Variants in F8 observed in about 807,000 individuals in gnomAD.
F8 encodes antihemophilic factor.
F8 carries 12 observed loss-of-function variants against 140.6 expected under a neutral mutation model. That is an observed-to-expected ratio of 0.09 (90% CI 0.05 to 0.14). The LOEUF (loss-of-function observed/expected upper bound fraction) is 0.14. Among genes scored for constraint, F8 ranks in the 10% least tolerant of loss-of-function variants. The pLI is 1.00. For missense variants in F8, 1,354 were observed against 1,720.7 expected (o/e 0.79, Z 3.77); for synonymous variants, 585 against 614.6 (o/e 0.95, Z 0.71).
At chrX:154,894,118 C>T (rs140204815) in intron 22 of F8, among the ~76,000 whole-genome samples, 10 of 111,593 alleles carry the variant, frequency 9.0e-5, no homozygotes, top group African/African-American at 3.3e-4. Context: ...TGAGTTGTCC[C>T]GCCTTTCTGG....
chrX:154,999,484 CA>C lies in F8; in HGVS notation c.259del (p.Trp87GlyfsTer5), dbSNP rs1704149059. 1 of 1,207,032 alleles carries C rather than the reference CA, an allele frequency of 8.3e-7. No homozygotes were observed. Among genetic ancestry groups the C allele is most frequent in the Non-Finnish European group, 1.1e-6 (1 of 892,282 alleles). On this transcript the variant is annotated frameshift_variant, in exon 2 of 26. Transcript: ENST00000360256. LOFTEE classifies it high-confidence loss of function. ...LFNIAKPRPP[W>X]MGLLGPTIQA... ...TTCAACATTGTTTTCATTACCCATC[CA>C]GGGTGGCCTTGGCTTAGCGATGTTG...
At chrX:154,870,021 C>T (rs1405598306) in intron 22 of F8, among the ~76,000 whole-genome samples, 2 of 111,851 alleles carry the variant, frequency 1.8e-5, no homozygotes, top group Admixed American at 1.9e-4. Flanking sequence ...CTGAATAGAC[C>T]TATAACAAGT....
intron 25 of F8, among the ~76,000 whole-genome samples, chrX:154,853,062 A>G (rs1431954745): frequency 2.7e-5 from 3 of 110,589 alleles, no homozygotes; most frequent in Admixed American, 9.6e-5. Flanking sequence ...TCTAGTTGCT[A>G]ATTTTCCATA....
Position 154,851,020 on chromosome X carries a change from C to T in F8, c.6900+9412G>A, listed in dbSNP as rs782772166. 3.6e-3 allele frequency among the ~76,000 whole-genome samples: 406 copies of T among 111,993 alleles called. 2 individuals carry two copies. Among genetic ancestry groups the T allele is most frequent in the African/African-American group, 0.013 (393 of 30,851 alleles). On this transcript the variant is annotated intron_variant, in intron 25 of 25. Transcript: ENST00000360256. ...TAGTTCCAGAACATTTCTATAACCC[C>T]AAAAGGAGATTCAATACTTATTAAG...
At position 154,972,707 on chromosome X, in the gene F8, C is replaced by CTTTTT. The variant is rs1184930129; in HGVS notation, c.788-3160_788-3156dup. On this transcript the variant is annotated intron_variant, in intron 6 of 25. Transcript: ENST00000360256. ...GTTCTTTTCTTTTCTTTCTGTCTTT[C>CTTTTT]TTTTTTTTTTTTTTTTTTTTTTTTT... Among the ~76,000 whole-genome samples the CTTTTT allele has an allele frequency of 2.5e-3, 138 of 55,290 alleles. 2 individuals carry two copies. Among genetic ancestry groups the CTTTTT allele is most frequent in the East Asian group, 3.6e-3 (6 of 1,665 alleles). 48.0% of individuals were successfully genotyped at this position (55,290 alleles called of 115,157 possible).
intron 4 of F8, 123 bp from the exon 5 acceptor site, chrX:154,987,428 C>T: frequency 1.7e-6 from 1 of 594,222 alleles, no homozygotes; most frequent in Non-Finnish European, 2.7e-6. Flanking sequence ...TCTTCTGTCT[C>T]TTGATAACTT....
chrX:154,949,805 T>C (rs2073327223), intron 12 of F8, among the ~76,000 whole-genome samples: 1 of 109,292 alleles, frequency 9.1e-6, no homozygotes, highest in African/African-American at 3.3e-5. Flanking sequence ...TCTCGGTCTG[T>C]CTGCCAGTCT....
At chrX:154,847,965 G>T (rs2072582934) in intron 25 of F8, among the ~76,000 whole-genome samples, 1 of 112,790 alleles carries the variant, frequency 8.9e-6, no homozygotes, top group South Asian at 3.6e-4. Context: ...TGGGGTTTTG[G>T]TGTGGATGTC....
intron 1 of F8, among the ~76,000 whole-genome samples, chrX:155,013,076 G>A (rs1240225739): frequency 9.6e-6 from 1 of 104,674 alleles, no homozygotes; most frequent in Non-Finnish European, 2.0e-5. Context: ...AACCCGGGAG[G>A]CGGAGCTTGC....
chrX:155,009,130 C>T (rs782425942), intron 1 of F8, among the ~76,000 whole-genome samples: 11 of 107,460 alleles, frequency 1.0e-4, no homozygotes, highest in South Asian at 8.6e-4. Flanking sequence ...TCGCCCAGGC[C>T]GGACTGCGGA....
intron 13 of F8, among the ~76,000 whole-genome samples, chrX:154,938,475 G>C (rs1343356324): frequency 1.8e-5 from 2 of 111,837 alleles, no homozygotes; most frequent in Non-Finnish European, 3.8e-5. Flanking sequence ...ACAGCAATCA[G>C]ACTTCTAGAA....
intron 18 of F8, among the ~76,000 whole-genome samples, chrX:154,903,198 C>G (rs1268476501): frequency 9.1e-6 from 1 of 109,426 alleles, no homozygotes; most frequent in Admixed American, 9.7e-5. Context: ...TTTTTAGAGA[C>G]AGGGTCTTGC....
At chrX:155,010,146 T>A (rs1464266919) in intron 1 of F8, among the ~76,000 whole-genome samples, 1 of 112,387 alleles carries the variant, frequency 8.9e-6, no homozygotes, top group East Asian at 2.8e-4. Context: ...AACATGTGAT[T>A]TATTTGCCTG....
In F8 at chrX:154,967,746, C is replaced by T. The variant is rs142945003; in HGVS notation, c.1010-1059G>A. Among the ~76,000 whole-genome samples the T allele has an allele frequency of 2.1e-3, 241 of 112,133 alleles. 1 individual carries two copies. Among genetic ancestry groups the T allele is most frequent in the African/African-American group, 7.3e-3 (227 of 30,897 alleles). ...CAATGATCATATACAAGTAAATGAC[C>T]TATTCCTCTGTGCCTGCAAGAATGT... On this transcript the variant is annotated intron_variant, in intron 7 of 25. Transcript: ENST00000360256.
intron 5 of F8, among the ~76,000 whole-genome samples, chrX:154,985,620 C>T (rs1473458663): frequency 8.9e-6 from 1 of 111,823 alleles, no homozygotes; most frequent in African/African-American, 3.3e-5. Context: ...AACAGTGACT[C>T]CCTGGAGTTA....
intron 3 of F8, among the ~76,000 whole-genome samples, chrX:154,994,376 C>A (rs183184377): frequency 1.2e-4 from 14 of 112,234 alleles, no homozygotes; most frequent in African/African-American, 4.5e-4. Context: ...GTTAATATCA[C>A]CTAATATCAA....
intron 2 of F8, 101 bp downstream of exon 2, chrX:154,999,378 T>G: frequency 1.1e-6 from 1 of 910,254 alleles, no homozygotes; most frequent in Non-Finnish European, 1.6e-6. Context: ...ACATTCTCTT[T>G]GGCAGCTGCA....
intron 14 of F8, among the ~76,000 whole-genome samples, chrX:154,917,033 T>C (rs2073101449): frequency 8.9e-6 from 1 of 111,869 alleles, no homozygotes; most frequent in Non-Finnish European, 1.9e-5. Flanking sequence ...CTTCATTGAC[T>C]TATTGGTTGT....
intron 25 of F8, among the ~76,000 whole-genome samples, chrX:154,852,865 C>T (rs1401539564): frequency 9.0e-6 from 1 of 111,440 alleles, no homozygotes; most frequent in Non-Finnish European, 1.9e-5. Context: ...CAGAGTGAGA[C>T]TCCGTCTCAA....
Sources: allele counts gnomAD v4.1 joint callset (sites outside exome capture counted in the v4.1 genomes callset), GRCh38; gene constraint gnomAD v4.1.1; transcripts MANE v1.5; gene names NCBI Gene and HGNC (gene_info 2026-07-23, HGNC 2026-07-21).